ORC4: variants seen among roughly 807,000 people sequenced by gnomAD.
ORC4 encodes the protein origin recognition complex subunit 4, also known as origin recognition complex, subunit 4 homolog.
ORC4 carries 55 observed loss-of-function variants against 63.9 expected under a neutral mutation model. The observed-to-expected ratio is 0.86, with a 90% CI of 0.69 to 1.08. The LOEUF is 1.08. Ranked by LOEUF, ORC4 falls within the 50% of genes least tolerant of loss-of-function variation. The pLI is 0.00. For synonymous variants in ORC4, 150 were observed against 168.5 expected, an observed-to-expected ratio of 0.89 and a Z score of 0.85; for missense variants, 511 against 504.4, an observed-to-expected ratio of 1.01 and a Z score of -0.13.
intron 4 of ORC4, among the ~76,000 whole-genome samples, chr2:147,961,067 A>G (rs992864009): frequency 6.6e-6 from 1 of 152,134 alleles, no homozygotes; most frequent in African/African-American, 2.4e-5. Flanking sequence ...ATATACTATA[A>G]TCTTAGGGTT....
chr2:147,958,401 T>C lies in ORC4; in HGVS notation c.302-18A>G. On this transcript the variant is annotated intron_variant, in intron 5 of 13. Transcript: ENST00000392857. ...CAGCAGTCCTAAAATAAAGTCCATT[T>C]AAAAGTATTTAATTAAAATTAAACA... The C allele has an allele frequency of 6.4e-7, 1 of 1,561,098 alleles. No individual in the cohort carries two copies. Among genetic ancestry groups the C allele is most frequent in the Non-Finnish European group, 8.8e-7 (1 of 1,133,390 alleles).
Position 147,952,891 on chromosome 2 carries a change from T to C in ORC4, c.437-367A>G, listed in dbSNP as rs17225534. Among the ~76,000 whole-genome samples the C allele has an allele frequency of 4.6e-5, 7 of 151,922 alleles. No homozygotes were observed. The South Asian group carries it at 1.2e-3, about 27-fold the overall frequency. On this transcript the variant is annotated intron_variant, in intron 7 of 13. Coordinates refer to ENST00000392857, the MANE Select transcript of ORC4 (RefSeq NM_181741.4). The stretch of plus-strand genomic sequence containing the variant: ...AAAATACAAAATTAGTCAGGTGTGG[T>C]GGCGCATGCCTGTAATCCCAGCTAC...
At chr2:147,985,369 T>C (rs956152762) in intron 1 of ORC4, among the ~76,000 whole-genome samples, 2 of 152,114 alleles carry the variant, frequency 1.3e-5, no homozygotes, top group Admixed American at 6.5e-5. Flanking sequence ...GCTAATTTTT[T>C]GTATTTTTAG....
At chr2:147,953,460 AC>A (rs1036906481) in intron 7 of ORC4, among the ~76,000 whole-genome samples, 1 of 152,208 alleles carries the variant, frequency 6.6e-6, no homozygotes, top group African/African-American at 2.4e-5. Flanking sequence ...AGTTTTCTAT[AC>A]CTACACAGAA....
chr2:147,960,541 T>C (rs1689530846), intron 4 of ORC4, among the ~76,000 whole-genome samples: 1 of 152,238 alleles, frequency 6.6e-6, no homozygotes, highest in Admixed American at 6.5e-5. Context: ...TCTTTGTGCC[T>C]AAAATTTAAT....
chr2:148,019,832 T>C (rs1337951113), intron 1 of ORC4, among the ~76,000 whole-genome samples: 1 of 152,090 alleles, frequency 6.6e-6, no homozygotes, highest in Non-Finnish European at 1.5e-5. Flanking sequence ...CTTTCTTAAA[T>C]ATTTTGAGTT....
chr2:147,992,607 A>G (rs1260974240), intron 1 of ORC4, among the ~76,000 whole-genome samples: 1 of 152,228 alleles, frequency 6.6e-6, no homozygotes, highest in Non-Finnish European at 1.5e-5. Context: ...TGTTCATTTG[A>G]GAAGAATAAT....
intron 1 of ORC4, among the ~76,000 whole-genome samples, chr2:148,005,606 C>T (rs1222388246): frequency 6.7e-6 from 1 of 149,744 alleles, no homozygotes; most frequent in Non-Finnish European, 1.5e-5. Flanking sequence ...GAAGAGAATC[C>T]CCCAGGAATC....
intron 4 of ORC4, chr2:147,960,126 C>T (rs1321388489): frequency 2.6e-6 from 1 of 390,508 alleles, no homozygotes; most frequent in African/African-American, 2.2e-5. Context: ...ATGAATTATT[C>T]AAAACCATTT....
chr2:147,977,772 A>C (rs1690652664), intron 1 of ORC4, among the ~76,000 whole-genome samples: 1 of 152,092 alleles, frequency 6.6e-6, no homozygotes, highest in Non-Finnish European at 1.5e-5. Context: ...CAGAGAAAAG[A>C]CCTGTTACCA....
intron 1 of ORC4, among the ~76,000 whole-genome samples, chr2:147,976,996 T>C (rs973446741): frequency 6.6e-6 from 1 of 152,224 alleles, no homozygotes; most frequent in African/African-American, 2.4e-5. Flanking sequence ...TGATTTCCTA[T>C]AGGAATAAAT....
chr2:147,941,216 C>A (rs1019972877), intron 10 of ORC4, among the ~76,000 whole-genome samples: 2 of 151,928 alleles, frequency 1.3e-5, no homozygotes, highest in Non-Finnish European at 2.9e-5. Context: ...TATATATCCA[C>A]GATTATTCAT....
chr2:147,962,704 C>G lies in ORC4; in HGVS notation c.226-3838G>C, dbSNP rs139185495. 5.8e-3 allele frequency among the ~76,000 whole-genome samples: 887 copies of G among 152,154 alleles called. 9 individuals carry two copies. The highest frequency in any genetic ancestry group is 0.02 in the African/African-American group (822 of 41,480). On this transcript the variant is annotated intron_variant, in intron 4 of 13. Coordinates refer to ENST00000392857, the MANE Select transcript of ORC4 (RefSeq NM_181741.4). ...GCTCTCTCCCAAGAAGGAGAGGCCC[C>G]CGAGCATCCAAGCAGCTGATACACC...
intron 10 of ORC4, among the ~76,000 whole-genome samples, chr2:147,940,648 G>GTA (rs1688318753): frequency 6.6e-6 from 1 of 151,312 alleles, no homozygotes; most frequent in Non-Finnish European, 1.5e-5. Flanking sequence ...TATATATGTG[G>GTA]TATATATATA....
At chr2:147,964,243 G>A (rs1231977866) in intron 4 of ORC4, among the ~76,000 whole-genome samples, 1 of 152,012 alleles carries the variant, frequency 6.6e-6, no homozygotes, top group African/African-American at 2.4e-5. Flanking sequence ...ATTCGAATAA[G>A]AAATTAACAG....
At chr2:147,947,296 G>T (rs1688713602) in intron 9 of ORC4, among the ~76,000 whole-genome samples, 1 of 151,932 alleles carries the variant, frequency 6.6e-6, no homozygotes, top group Non-Finnish European at 1.5e-5. Context: ...AATATTTTTT[G>T]AGATTCTAGC....
intron 1 of ORC4, among the ~76,000 whole-genome samples, chr2:147,988,052 C>CAA (rs1213881150): frequency 1.3e-4 from 8 of 60,234 alleles, no homozygotes; most frequent in African/African-American, 1.9e-4. Context: ...GACTCTGTCT[C>CAA]AAAAAAAAAA....
intron 1 of ORC4, among the ~76,000 whole-genome samples, chr2:147,991,174 A>C (rs912988849): frequency 1.3e-5 from 2 of 151,412 alleles, no homozygotes; most frequent in Non-Finnish European, 2.9e-5. Flanking sequence ...CAGCCTCCTG[A>C]GTAGCTGGGA....
In ORC4 at chr2:147,939,162, G is replaced by A. The variant is rs1232440770; in HGVS notation, c.936C>T (p.Asp312=). 4 of 1,609,358 alleles carry A rather than the reference G, an allele frequency of 2.5e-6. No individual in the cohort carries two copies. The African/African-American group carries it at 5.3e-5, about 22-fold the overall frequency. ...CACCATGTACAATATTTGCTTTCGA[G>A]TCCATGCTACACAGTTGGCTTGCTT... ...LMEASQLCSM[D]SKANIVHGLS... Residue 312 remains aspartate (D), a synonymous_variant, in exon 11 of 14, where the codon GAC becomes GAT. Transcript: ENST00000392857.
Sources: allele counts gnomAD v4.1 joint callset (sites outside exome capture counted in the v4.1 genomes callset), GRCh38; gene constraint gnomAD v4.1.1; transcripts MANE v1.5; gene names NCBI Gene and HGNC (gene_info 2026-07-23, HGNC 2026-07-21).